CDH2: variants seen among roughly 807,000 people sequenced by gnomAD.
CDH2 encodes cadherin 2, also known as cadherin-2.
A neutral mutation model predicts 92.0 loss-of-function variants in CDH2; 17 were observed. The ratio of observed to expected loss-of-function variants is 0.18; its 90% CI spans 0.13 to 0.28. The LOEUF is 0.28. CDH2 is among the 10% of genes least tolerant of loss of function. The probability of loss-of-function intolerance (pLI) is 1.00; values close to 1 mark genes in which losing one functional copy is unlikely to be tolerated. For synonymous variants in CDH2, 419 were observed against 415.9 expected, an observed-to-expected ratio of 1.01 and a Z score of -0.09; for missense variants, 862 against 1,133.1, an observed-to-expected ratio of 0.76 and a Z score of 3.44.
At chr18:28,095,291 A>G (rs2144220886) in intron 2 of CDH2, among the ~76,000 whole-genome samples, 1 of 152,256 alleles carries the variant, frequency 6.6e-6, no homozygotes, top group East Asian at 1.9e-4. Context: ...ATTTAAAAGA[A>G]AAAAAAGGGT....
chr18:27,948,919 A>AG (rs1298315198), downstream of CDH2, among the ~76,000 whole-genome samples: 1 of 151,950 alleles, frequency 6.6e-6, no homozygotes, highest in Non-Finnish European at 1.5e-5. Context: ...ACCATTTCAA[A>AG]GGGGTACTAA....
At chr18:27,943,492 G>C (rs1380568029) in intron 6 of CDH2, among the ~76,000 whole-genome samples, 10 of 152,232 alleles carry the variant, frequency 6.6e-5, no homozygotes, top group African/African-American at 2.4e-4. Flanking sequence ...TCAACGTAAA[G>C]TTTTCACACA....
At chr18:28,115,033 T>C (rs775038984) in intron 2 of CDH2, among the ~76,000 whole-genome samples, 3 of 152,178 alleles carry the variant, frequency 2.0e-5, no homozygotes, top group Non-Finnish European at 4.4e-5. Context: ...TCCTAAGTCA[T>C]GTTCCAGTGA....
intron 2 of CDH2, among the ~76,000 whole-genome samples, chr18:28,018,949 C>T (rs1014013480): frequency 9.9e-5 from 15 of 151,106 alleles, no homozygotes; most frequent in African/African-American, 2.7e-4. Flanking sequence ...ATGCACACCA[C>T]GGGATACTAC....
At chr18:27,986,210 A>T (rs1345134315) in intron 11 of CDH2, among the ~76,000 whole-genome samples, 1 of 152,154 alleles carries the variant, frequency 6.6e-6, no homozygotes, top group African/African-American at 2.4e-5. Flanking sequence ...CACAGCTTTG[A>T]CTTAACGCAA....
chr18:27,982,859 T>C, intron 14 of CDH2, 85 bp downstream of exon 14: 1 of 811,790 alleles, frequency 1.2e-6, no homozygotes, highest in Admixed American at 2.9e-5. Flanking sequence ...CCTGATACCA[T>C]TTTCTTACTG....
intron 2 of CDH2, among the ~76,000 whole-genome samples, chr18:28,126,206 C>T (rs756634771): frequency 7.2e-5 from 11 of 151,912 alleles, no homozygotes; most frequent in African/African-American, 2.4e-4. Flanking sequence ...CATGACTGTT[C>T]GCTATATATT....
At chr18:27,969,446 G>A (rs947784976) in intron 14 of CDH2, among the ~76,000 whole-genome samples, 2 of 152,206 alleles carry the variant, frequency 1.3e-5, no homozygotes, top group East Asian at 1.9e-4. Flanking sequence ...AATTATGAAT[G>A]AGCTATAGGT....
At chr18:27,974,459 C>A (rs986311652) in intron 14 of CDH2, among the ~76,000 whole-genome samples, 5 of 152,176 alleles carry the variant, frequency 3.3e-5, no homozygotes, top group Admixed American at 3.3e-4. Context: ...ATTTTTAATT[C>A]TGCAAGCTCA....
At chr18:28,091,461 T>C (rs971024817) in intron 2 of CDH2, among the ~76,000 whole-genome samples, 24 of 152,200 alleles carry the variant, frequency 1.6e-4, no homozygotes, top group Admixed American at 1.3e-3. Flanking sequence ...TGTATGTTTT[T>C]GTAAAGTAGT....
chr18:27,973,697 T>G (rs754579154), intron 14 of CDH2, among the ~76,000 whole-genome samples: 14 of 152,204 alleles, frequency 9.2e-5, no homozygotes, highest in Non-Finnish European at 1.6e-4. Context: ...GCTGATCACT[T>G]AAACCATTTA....
chr18:28,132,339 T>G (rs1307577808), intron 2 of CDH2, among the ~76,000 whole-genome samples: 1 of 152,190 alleles, frequency 6.6e-6, no homozygotes, highest in Admixed American at 6.5e-5. Context: ...TTATATTAAT[T>G]CAGCAGCTCA....
intron 15 of CDH2, among the ~76,000 whole-genome samples, chr18:27,953,937 T>C (rs1909587088): frequency 6.6e-6 from 1 of 152,112 alleles, no homozygotes; most frequent in Non-Finnish European, 1.5e-5. Flanking sequence ...ACGATGAAGA[T>C]ATATTTTAAG....
At chr18:28,019,441 G>A (rs2013347550) in intron 2 of CDH2, among the ~76,000 whole-genome samples, 2 of 152,044 alleles carry the variant, frequency 1.3e-5, no homozygotes, top group Admixed American at 1.3e-4. Context: ...CAGAAGCGGG[G>A]ATTTCATAGT....
intron 7 of CDH2, among the ~76,000 whole-genome samples, chr18:27,995,132 G>A (rs1458101256): frequency 6.6e-6 from 1 of 151,768 alleles, no homozygotes; most frequent in Non-Finnish European, 1.5e-5. Flanking sequence ...CCAACATAGT[G>A]AAACCCCGTC....
downstream of CDH2, among the ~76,000 whole-genome samples, chr18:27,950,669 A>T (rs1909397472): frequency 6.6e-6 from 1 of 152,160 alleles, no homozygotes; most frequent in South Asian, 2.1e-4. Context: ...GAAACAAATT[A>T]AAACATGAGT....
At chr18:28,079,080 A>G (rs1441368398) in intron 2 of CDH2, among the ~76,000 whole-genome samples, 1 of 152,170 alleles carries the variant, frequency 6.6e-6, no homozygotes. Flanking sequence ...CTCAGCAAAT[A>G]TTTGCTCAAT....
chr18:27,959,219 T>C (rs1464718918), intron 15 of CDH2, among the ~76,000 whole-genome samples: 10 of 152,308 alleles, frequency 6.6e-5, no homozygotes, highest in East Asian at 5.8e-4. Context: ...AATGAAACTC[T>C]CAGTTGAAAT....
chr18:27,974,898 G>A (rs1005893133), intron 14 of CDH2, among the ~76,000 whole-genome samples: 1 of 152,106 alleles, frequency 6.6e-6, no homozygotes, highest in East Asian at 1.9e-4. Flanking sequence ...AATTTGTCTT[G>A]TTTATAAGCT....
Sources: gnomAD v4.1 joint callset for allele counts (sites outside exome capture counted in the v4.1 genomes callset) on GRCh38, gnomAD v4.1.1 for gene constraint, MANE v1.5 for transcripts, NCBI Gene and HGNC (gene_info 2026-07-23, HGNC 2026-07-21) for gene names.